Variants in PTDSS1 observed in about 807,000 individuals in gnomAD.
The protein encoded by PTDSS1 is phosphatidylserine synthase 1.
In PTDSS1, 45 loss-of-function variants were observed where a neutral mutation model predicts 70.5. The ratio of observed to expected loss-of-function variants is 0.64; its 90% CI spans 0.50 to 0.82. PTDSS1 has a LOEUF of 0.82. Ranked by LOEUF, PTDSS1 falls within the 40% of genes least tolerant of loss-of-function variation. The pLI is 0.00. For missense variants in PTDSS1, 417 were observed against 586.1 expected, an observed-to-expected ratio of 0.71 and a Z score of 2.98; for synonymous variants, 188 against 203.8, an observed-to-expected ratio of 0.92 and a Z score of 0.66.
intron 10 of PTDSS1, among the ~76,000 whole-genome samples, chr8:96,328,815 G>A (rs1811474366): frequency 6.6e-6 from 1 of 152,226 alleles, no homozygotes; most frequent in Non-Finnish European, 1.5e-5. Flanking sequence ...CCTACCACCA[G>A]ACTGTGGCTG....
intron 11 of PTDSS1, chr8:96,330,768 A>G: frequency 2.1e-6 from 1 of 479,988 alleles, no homozygotes; most frequent in Non-Finnish European, 3.7e-6. Context: ...TTCGGTAAAA[A>G]TAACACTTTC....
At chr8:96,267,872 G>A (rs571243907) in intron 1 of PTDSS1, among the ~76,000 whole-genome samples, 1 of 152,122 alleles carries the variant, frequency 6.6e-6, no homozygotes, top group Non-Finnish European at 1.5e-5. Context: ...AGACTGGAAG[G>A]CACCTCCCGC....
Position 96,306,470 on chromosome 8 carries a change from G to A in PTDSS1, c.921G>A (p.Leu307=). 1 of 1,614,028 alleles carries A rather than the reference G, an allele frequency of 6.2e-7. No individual in the cohort carries two copies. The highest frequency in any genetic ancestry group is 8.5e-7 in the Non-Finnish European group (1 of 1,179,964). ...WQLTELNTFF[L]KHIFVFQASH... ...TGACTGAGTTGAATACCTTCTTCTT[G>A]AAGCATATCTTTGTGTTCCAAGCCA... The change falls in exon 8 of 13, where the codon TTG becomes TTA. Residue 307 remains leucine (L), a synonymous_variant. Coordinates refer to ENST00000517309, the MANE Select transcript of PTDSS1 (RefSeq NM_014754.3).
chr8:96,324,120 A>G (rs578030602), intron 10 of PTDSS1, among the ~76,000 whole-genome samples: 2 of 152,202 alleles, frequency 1.3e-5, no homozygotes, highest in South Asian at 4.2e-4. Context: ...CCACTTTCCA[A>G]TCCTTGCTCC....
At chr8:96,299,974 A>G (rs1811029022) in intron 6 of PTDSS1, 129 bp downstream of exon 6, 1 of 1,162,064 alleles carries the variant, frequency 8.6e-7, no homozygotes, top group Admixed American at 3.2e-5. Flanking sequence ...ACTGAAACTC[A>G]TAAATGATTA....
At chr8:96,274,359 C>T (rs1360027009) in intron 2 of PTDSS1, among the ~76,000 whole-genome samples, 1 of 152,098 alleles carries the variant, frequency 6.6e-6, no homozygotes, top group African/African-American at 2.4e-5. Flanking sequence ...CATGTCAAGG[C>T]CTTCAGGCTT....
At position 96,262,290 on chromosome 8, in the gene PTDSS1, A is replaced by AGGGGGGGGGGGGGGGGGGGGGGGGTT; in HGVS notation, c.179+77_179+78insGGGGGGGGGGGGGGGGGGTTGGGGGG. ...AGAGGCGGGAGGGAGGGTGGCGGGG[A>AGGGGGGGGGGGGGGGGGGGGGGGGTT]GGGGGGCCCGGCATGGCTCTGGGTG... On this transcript the variant is annotated intron_variant, in intron 1 of 12. Transcript: ENST00000517309. The surrounding 1 kb of genome is among the most constrained non-coding windows in gnomAD (Gnocchi z 4.4). 5 of 387,406 alleles carry AGGGGGGGGGGGGGGGGGGGGGGGGTT rather than the reference A, an allele frequency of 1.3e-5. No individual in the cohort carries two copies. Among genetic ancestry groups the AGGGGGGGGGGGGGGGGGGGGGGGGTT allele is most frequent in the Admixed American group, 3.1e-5 (1 of 32,716 alleles). The allele number at this position is 387,406 out of a possible 1,614,324, so 24.0% of individuals were successfully genotyped here. A position where few individuals can be genotyped will look rare whatever the true frequency, so the allele number is the denominator to read the frequency against.
intron 11 of PTDSS1, 121 bp downstream of exon 11, chr8:96,330,402 G>A: frequency 1.1e-6 from 1 of 914,734 alleles, no homozygotes; most frequent in South Asian, 1.5e-5. Context: ...GGGGCCTCCA[G>A]TCCTGCCACT....
intron 10 of PTDSS1, among the ~76,000 whole-genome samples, chr8:96,324,753 G>A (rs1811416398): frequency 6.6e-6 from 1 of 152,202 alleles, no homozygotes; most frequent in Admixed American, 6.5e-5. Context: ...GGAGAGTTTT[G>A]GCAAGGACAT....
chr8:96,324,136 T>G (rs1811407766), intron 10 of PTDSS1, among the ~76,000 whole-genome samples: 1 of 152,204 alleles, frequency 6.6e-6, no homozygotes, highest in South Asian at 2.1e-4. Flanking sequence ...GCTCCTCATT[T>G]CCATTTGAGA....
At chr8:96,280,874 C>CA (rs1810725708) in intron 2 of PTDSS1, among the ~76,000 whole-genome samples, 1 of 152,110 alleles carries the variant, frequency 6.6e-6, no homozygotes, top group African/African-American at 2.4e-5. Flanking sequence ...TAACAATGGT[C>CA]AGAGAAGAAA....
At chr8:96,320,114 A>T (rs1271182624) in intron 9 of PTDSS1, 132 bp from the exon 10 acceptor site, 1 of 722,646 alleles carries the variant, frequency 1.4e-6, no homozygotes, top group African/African-American at 1.8e-5. Context: ...TTTGTGGGGT[A>T]CCTGCTACCA....
intron 6 of PTDSS1, among the ~76,000 whole-genome samples, chr8:96,300,171 ATC>A (rs1811031545): frequency 6.6e-6 from 1 of 151,984 alleles, no homozygotes; most frequent in Non-Finnish European, 1.5e-5. Context: ...GGATCAATTC[ATC>A]TCTGTTTCCA....
rs1382705903 is a variant in PTDSS1 at position 96,262,303 on chromosome 8, A to G, written c.179+84A>G. 2.0e-6 allele frequency: 3 copies of G among 1,465,490 alleles called. No homozygotes were observed. The highest frequency in any genetic ancestry group is 1.9e-6 in the Non-Finnish European group (2 of 1,077,150). 90.8% of individuals were successfully genotyped at this position (1,465,490 alleles called of 1,614,324 possible). On this transcript the variant is annotated intron_variant, in intron 1 of 12. Transcript: ENST00000517309. This position sits in a 1 kb window ranked among gnomAD's most constrained non-coding sequence, Gnocchi z 4.4. The stretch of plus-strand genomic sequence containing the variant: ...AGGGTGGCGGGGAGGGGGGCCCGGC[A>G]TGGCTCTGGGTGAGGAAGTGGGCTG...
chr8:96,297,970 C>T (rs1013705752), intron 5 of PTDSS1, among the ~76,000 whole-genome samples: 4 of 152,194 alleles, frequency 2.6e-5, no homozygotes, highest in Admixed American at 6.5e-5. Flanking sequence ...GGGGGCCCAT[C>T]TCACCCCCAG....
At chr8:96,276,224 G>A (rs916200971) in intron 2 of PTDSS1, among the ~76,000 whole-genome samples, 8 of 152,178 alleles carry the variant, frequency 5.3e-5, no homozygotes, top group Non-Finnish European at 1.0e-4. Flanking sequence ...AGTCTTTAGC[G>A]GGAGCTGAGT....
In PTDSS1 at chr8:96,272,151, AT is replaced by A. The variant is rs577124177; in HGVS notation, c.180-1141del. Among the ~76,000 whole-genome samples the A allele has an allele frequency of 2.7e-4, 41 of 151,882 alleles. 1 individual carries two copies. The East Asian group carries it at 7.5e-3, about 28-fold the overall frequency. On this transcript the variant is annotated intron_variant, in intron 1 of 12. Transcript: ENST00000517309. ...TCTTCTGTCTTGATATGAGTTATAA[AT>A]TTTTTTCCCCCAAGTTTACCTCTTT...
intron 1 of PTDSS1, among the ~76,000 whole-genome samples, chr8:96,268,733 C>T (rs926156885): frequency 6.6e-6 from 1 of 151,548 alleles, no homozygotes; most frequent in African/African-American, 2.4e-5. Context: ...TGAAACAATG[C>T]TCTGCAGAAG....
chr8:96,324,282 T>G (rs1240187276), intron 10 of PTDSS1, among the ~76,000 whole-genome samples: 2 of 152,210 alleles, frequency 1.3e-5, no homozygotes, highest in Non-Finnish European at 2.9e-5. Flanking sequence ...ATGCTCCCTT[T>G]ACAGCAATAC....
Sources: gnomAD v4.1 joint callset for allele counts (sites outside exome capture counted in the v4.1 genomes callset) on GRCh38, gnomAD v4.1.1 for gene constraint, Gnocchi (gnomAD v3.1) non-coding constraint, MANE v1.5 for transcripts, NCBI Gene and HGNC (gene_info 2026-07-23, HGNC 2026-07-21) for gene names.